The following ZMAT4 variants were observed in gnomAD, a reference collection of about 807,000 sequenced individuals.
The protein encoded by ZMAT4 is zinc finger matrin-type 4.
A neutral mutation model predicts 28.7 loss-of-function variants in ZMAT4; 17 were observed. The observed-to-expected ratio is 0.59, with a 90% CI of 0.41 to 0.89. ZMAT4 has a LOEUF of 0.89. Ranked by LOEUF, ZMAT4 falls within the 40% of genes least tolerant of loss-of-function variation. ZMAT4 has a pLI of 0.00. For synonymous variants in ZMAT4, 117 were observed against 109.2 expected (o/e 1.07, Z -0.44); for missense variants, 240 against 283.8 (o/e 0.85, Z 1.11).
At chr8:40,639,518 C>A (rs1354879657) in intron 5 of ZMAT4, among the ~76,000 whole-genome samples, 1 of 151,986 alleles carries the variant, frequency 6.6e-6, no homozygotes, top group Non-Finnish European at 1.5e-5. Flanking sequence ...AATAGAAAGA[C>A]AAAAATCTCA....
chr8:40,655,768 G>T (rs117238718), intron 5 of ZMAT4, among the ~76,000 whole-genome samples: 1 of 151,986 alleles, frequency 6.6e-6, no homozygotes, highest in African/African-American at 2.4e-5. Context: ...AATAAAGTTG[G>T]ATTCTTACTT....
intron 1 of ZMAT4, among the ~76,000 whole-genome samples, chr8:40,864,533 A>T (rs1817611593): frequency 6.6e-6 from 1 of 152,206 alleles, no homozygotes; most frequent in Non-Finnish European, 1.5e-5. Context: ...GGGACAAAAA[A>T]GTGAGGCATC....
At chr8:40,717,014 T>C (rs1810887117) in intron 3 of ZMAT4, among the ~76,000 whole-genome samples, 2 of 152,212 alleles carry the variant, frequency 1.3e-5, no homozygotes, top group African/African-American at 2.4e-5. Flanking sequence ...TAAAACTCTG[T>C]CCTCCTATGA....
intron 3 of ZMAT4, among the ~76,000 whole-genome samples, chr8:40,760,761 G>T (rs976879910): frequency 2.1e-5 from 3 of 139,808 alleles, no homozygotes; most frequent in Non-Finnish European, 4.7e-5. Flanking sequence ...TCTCTGTCGC[G>T]GTCTCTCTCT....
At chr8:40,604,302 C>T (rs1215720022) in intron 5 of ZMAT4, among the ~76,000 whole-genome samples, 1 of 152,078 alleles carries the variant, frequency 6.6e-6, no homozygotes, top group African/African-American at 2.4e-5. Flanking sequence ...TGTTCCAGTT[C>T]CCAGGGAGAA....
At chr8:40,760,550 T>C (rs1812881203) in intron 3 of ZMAT4, among the ~76,000 whole-genome samples, 1 of 152,110 alleles carries the variant, frequency 6.6e-6, no homozygotes, top group Admixed American at 6.5e-5. Context: ...CAGTACAAAA[T>C]CTGCAATGAA....
At chr8:40,854,376 A>G (rs187313631) in intron 1 of ZMAT4, among the ~76,000 whole-genome samples, 136 of 152,352 alleles carry the variant, frequency 8.9e-4, no homozygotes, top group African/African-American at 3.1e-3. Flanking sequence ...GGACAGCTCA[A>G]AGGAAATGAA....
chr8:40,815,153 T>C (rs140290322), intron 2 of ZMAT4, among the ~76,000 whole-genome samples: 2,107 of 152,196 alleles, frequency 0.014, 47 homozygotes, highest in African/African-American at 0.047. Flanking sequence ...TGCGTGCCTG[T>C]AATCCCAGCT....
At chr8:40,548,400 A>T (rs1274942100) in intron 6 of ZMAT4, among the ~76,000 whole-genome samples, 3 of 152,210 alleles carry the variant, frequency 2.0e-5, no homozygotes, top group African/African-American at 7.2e-5. Flanking sequence ...GCTTCTTCAC[A>T]TTCCACAGAA....
chr8:40,575,396 C>A (rs1412291321), intron 6 of ZMAT4, among the ~76,000 whole-genome samples: 5 of 152,028 alleles, frequency 3.3e-5, no homozygotes, highest in African/African-American at 1.2e-4. Flanking sequence ...AAGCTTCATC[C>A]CAAGAGAATC....
chr8:40,813,044 T>C (rs566557476), intron 2 of ZMAT4, among the ~76,000 whole-genome samples: 91 of 151,652 alleles, frequency 6.0e-4, no homozygotes, highest in Non-Finnish European at 8.4e-4. Context: ...ACTGGTTCAT[T>C]AGCTGTGACA....
At chr8:40,896,820 A>G (rs1481644332) in intron 1 of ZMAT4, among the ~76,000 whole-genome samples, 2 of 151,934 alleles carry the variant, frequency 1.3e-5, no homozygotes, top group Non-Finnish European at 2.9e-5. Flanking sequence ...GTGCACCAAA[A>G]CAACCTGCGC....
chr8:40,785,053 G>T (rs902428898), intron 2 of ZMAT4, among the ~76,000 whole-genome samples: 1 of 152,134 alleles, frequency 6.6e-6, no homozygotes, highest in Non-Finnish European at 1.5e-5. Flanking sequence ...TGTTTTCCTC[G>T]CACCCAAGAT....
At position 40,819,592 on chromosome 8, in the gene ZMAT4, C is replaced by T. The variant is rs1233051000; in HGVS notation, c.102+5983G>A. Among the ~76,000 whole-genome samples the T allele has an allele frequency of 2.0e-5, 3 of 152,290 alleles. No homozygotes were observed. In the East Asian group the frequency reaches 5.8e-4, roughly 29 times the overall value. On this transcript the variant is annotated intron_variant, in intron 2 of 6. Coordinates refer to ENST00000297737, the MANE Select transcript of ZMAT4 (RefSeq NM_024645.3). ...CACAAAAACACTCAGCACATGGCTC[C>T]CACCTGCCCTCAGGAAGCTTGCAGT...
chr8:40,616,639 G>GA (rs1429126098), intron 5 of ZMAT4, among the ~76,000 whole-genome samples: 1 of 151,766 alleles, frequency 6.6e-6, no homozygotes, highest in African/African-American at 2.4e-5. Flanking sequence ...CACAAGGACA[G>GA]AAAACCAAAC....
At chr8:40,534,387 C>T (rs1474958878) in intron 6 of ZMAT4, among the ~76,000 whole-genome samples, 1 of 152,136 alleles carries the variant, frequency 6.6e-6, no homozygotes, top group Non-Finnish European at 1.5e-5. Flanking sequence ...GAAGAAAATT[C>T]TTTTTCATCT....
chr8:40,754,272 A>AG (rs1377787302), intron 3 of ZMAT4, among the ~76,000 whole-genome samples: 2 of 152,216 alleles, frequency 1.3e-5, no homozygotes, highest in Non-Finnish European at 2.9e-5. Flanking sequence ...AGAGTACAGG[A>AG]GGGGGCTACC....
intron 3 of ZMAT4, among the ~76,000 whole-genome samples, chr8:40,731,028 C>G (rs897851528): frequency 6.6e-6 from 1 of 151,340 alleles, no homozygotes; most frequent in African/African-American, 2.4e-5. Context: ...TTTGCAGGAG[C>G]CAGGGTGGGC....
intron 1 of ZMAT4, among the ~76,000 whole-genome samples, chr8:40,891,796 A>C (rs1231668544): frequency 6.6e-6 from 1 of 151,616 alleles, no homozygotes. Context: ...GCCTCCCCAC[A>C]CTCACTGCCG....
Sources: gnomAD v4.1 joint callset for allele counts (sites outside exome capture counted in the v4.1 genomes callset) on GRCh38, gnomAD v4.1.1 for gene constraint, MANE v1.5 for transcripts, NCBI Gene and HGNC (gene_info 2026-07-23, HGNC 2026-07-21) for gene names.